PIK3C2G: variants seen among roughly 807,000 people sequenced by gnomAD.
PIK3C2G encodes the protein phosphatidylinositol 3-kinase C2 domain-containing subunit gamma.
PIK3C2G carries 168 observed loss-of-function variants against 181.1 expected under a neutral mutation model. The observed-to-expected ratio is 0.93, with a 90% CI of 0.82 to 1.05. The LOEUF is 1.05. Among genes scored for constraint, PIK3C2G ranks in the 50% least tolerant of loss-of-function variants. The pLI is 0.00. For synonymous variants in PIK3C2G, 573 were observed against 592.2 expected, an observed-to-expected ratio of 0.97 and a Z score of 0.47; for missense variants, 1,869 against 1,732.8, an observed-to-expected ratio of 1.08 and a Z score of -1.40.
At chr12:18,640,367 C>T in intron 31 of PIK3C2G, 62 bp from the exon 32 acceptor site, 1 of 1,419,716 alleles carries the variant, frequency 7.0e-7, no homozygotes, top group South Asian at 1.3e-5. Flanking sequence ...TATTTAGTAG[C>T]TCTGTATTTG....
At chr12:18,651,038 A>G (rs1286100781), downstream of PIK3C2G, among the ~76,000 whole-genome samples, 1 of 151,882 alleles carries the variant, frequency 6.6e-6, no homozygotes, top group Non-Finnish European at 1.5e-5. Context: ...TAAAAGCCCA[A>G]GCCTTTAAAA....
the PIK3C2G span, among the ~76,000 whole-genome samples, chr12:18,718,033 T>C: frequency 6.6e-6 from 1 of 152,134 alleles, no homozygotes; most frequent in African/African-American, 2.4e-5. Context: ...TATGGTGTCC[T>C]GTGTTGCCAG....
At chr12:18,277,530 T>C (rs1197637563) in intron 1 of PIK3C2G, among the ~76,000 whole-genome samples, 3 of 152,168 alleles carry the variant, frequency 2.0e-5, no homozygotes, top group Non-Finnish European at 4.4e-5. Context: ...TGGTAAATTG[T>C]ATATTCCTAA....
intron 26 of PIK3C2G, among the ~76,000 whole-genome samples, chr12:18,560,187 G>A (rs967168881): frequency 7.9e-5 from 12 of 151,630 alleles, no homozygotes; most frequent in African/African-American, 2.2e-4. Context: ...GCCCCAGACC[G>A]TAAAAAATCC....
intron 6 of PIK3C2G, among the ~76,000 whole-genome samples, chr12:18,315,277 T>C (rs1950811665): frequency 6.6e-6 from 1 of 152,284 alleles, no homozygotes; most frequent in Admixed American, 6.5e-5. Flanking sequence ...TGTGCTCAAC[T>C]TAGCTGCTGT....
At chr12:18,476,254 A>T (rs1938981131) in intron 18 of PIK3C2G, among the ~76,000 whole-genome samples, 1 of 152,150 alleles carries the variant, frequency 6.6e-6, no homozygotes, top group Admixed American at 6.6e-5. Flanking sequence ...ATCATTTCAG[A>T]TACAGAGGAC....
At chr12:18,695,303 A>G in the PIK3C2G span, among the ~76,000 whole-genome samples, 4 of 152,208 alleles carry the variant, frequency 2.6e-5, no homozygotes, top group African/African-American at 9.6e-5. Flanking sequence ...AAATTACTAC[A>G]CAGCTTTGAG....
chr12:18,247,983 G>C (rs1039359978), exon 1 of PIK3C2G: 5 of 151,888 alleles, frequency 3.3e-5, no homozygotes, highest in Non-Finnish European at 5.9e-5. Flanking sequence ...GAGAATTGTT[G>C]AGAAGCAGAA....
chr12:18,295,036 T>G (rs1282229197), intron 5 of PIK3C2G, among the ~76,000 whole-genome samples: 6 of 150,666 alleles, frequency 4.0e-5, no homozygotes, highest in Non-Finnish European at 8.9e-5. Flanking sequence ...AAAATAATAT[T>G]TCATTATTAT....
the PIK3C2G span, among the ~76,000 whole-genome samples, chr12:18,674,083 T>C: frequency 2.0e-5 from 3 of 152,224 alleles, no homozygotes; most frequent in Non-Finnish European, 4.4e-5. Context: ...TTACAGTCTG[T>C]CTACCACAAC....
the PIK3C2G span, chr12:18,684,213 C>T: frequency 3.0e-5 from 48 of 1,611,710 alleles, no homozygotes; most frequent in Non-Finnish European, 3.5e-5. Context: ...AACAACAAAA[C>T]GTATCAATGC....
At chr12:18,663,305 C>T in the PIK3C2G span, among the ~76,000 whole-genome samples, 48 of 152,118 alleles carry the variant, frequency 3.2e-4, no homozygotes, top group African/African-American at 5.5e-4. Context: ...ACAGATAATA[C>T]GATCCTGTTT....
intron 6 of PIK3C2G, among the ~76,000 whole-genome samples, chr12:18,316,849 C>G (rs1338035058): frequency 6.6e-6 from 1 of 152,032 alleles, no homozygotes; most frequent in Non-Finnish European, 1.5e-5. Context: ...GTGTATTAGG[C>G]CCTACACTAA....
intron 17 of PIK3C2G, among the ~76,000 whole-genome samples, chr12:18,422,318 T>A (rs538816949): frequency 7.4e-5 from 10 of 135,572 alleles, no homozygotes; most frequent in African/African-American, 2.8e-4. Flanking sequence ...ACTAGAAAAA[T>A]TTAAAAAAAA....
chr12:18,300,386 C>G lies in PIK3C2G; in HGVS notation c.1034+6371C>G, dbSNP rs148006880. Among the ~76,000 whole-genome samples the G allele has an allele frequency of 6.9e-4, 105 of 151,982 alleles. No homozygotes were observed. In the East Asian group the frequency reaches 0.015, roughly 22 times the overall value. ...TATTGGAGACAAACCTTAGTTGTCTCTTTTGTATTGTTTTTCACTTAAGTC... is the reference window on the plus strand; with the variant it reads ...TATTGGAGACAAACCTTAGTTGTCTGTTTTGTATTGTTTTTCACTTAAGTC... On this transcript the variant is annotated intron_variant, in intron 5 of 32. Transcript: ENST00000538779.
chr12:18,378,317 C>G (rs925718839), intron 13 of PIK3C2G, among the ~76,000 whole-genome samples: 2 of 146,838 alleles, frequency 1.4e-5, no homozygotes, highest in Non-Finnish European at 3.0e-5. Context: ...CATGAGTTCC[C>G]CCCCCCGTAA....
intron 3 of PIK3C2G, among the ~76,000 whole-genome samples, chr12:18,287,471 A>T (rs10841008): frequency 6.6e-6 from 1 of 151,998 alleles, no homozygotes; most frequent in East Asian, 1.9e-4. Context: ...TATAAACATA[A>T]ATGCCTTCTT....
intron 3 of PIK3C2G, among the ~76,000 whole-genome samples, chr12:18,288,937 G>A (rs571092770): frequency 7.0e-4 from 106 of 152,116 alleles, no homozygotes; most frequent in Non-Finnish European, 1.0e-3. Flanking sequence ...TTTCTAAATA[G>A]TTTATTTCAT....
At chr12:18,390,816 A>G (rs754752746) in intron 14 of PIK3C2G, among the ~76,000 whole-genome samples, 15 of 152,282 alleles carry the variant, frequency 9.9e-5, no homozygotes, top group Non-Finnish European at 2.1e-4. Flanking sequence ...CATTAACCAA[A>G]AATGTAACAT....
Sources: allele counts gnomAD v4.1 joint callset (sites outside exome capture counted in the v4.1 genomes callset), GRCh38; gene constraint gnomAD v4.1.1; transcripts MANE v1.5; gene names NCBI Gene and HGNC (gene_info 2026-07-23, HGNC 2026-07-21).